GPC6: variants seen among roughly 807,000 people sequenced by gnomAD.
GPC6 encodes glypican 6, also known as glypican-6.
A neutral mutation model predicts 55.2 loss-of-function variants in GPC6; 14 were observed. That is an observed-to-expected ratio of 0.25 (90% CI 0.17 to 0.40). The LOEUF is 0.40. Among genes scored for constraint, GPC6 ranks in the 10% least tolerant of loss-of-function variants. GPC6 has a pLI of 1.00. For synonymous variants in GPC6, 278 were observed against 259.6 expected (o/e 1.07, Z -0.68); for missense variants, 641 against 708.5 (o/e 0.90, Z 1.08).
intron 4 of GPC6, among the ~76,000 whole-genome samples, chr13:94,146,290 A>G (rs1175159193): frequency 6.6e-6 from 1 of 152,086 alleles, no homozygotes; most frequent in Non-Finnish European, 1.5e-5. Flanking sequence ...ACCAACCACT[A>G]TATTAAAAAT....
chr13:94,262,210 C>A (rs138834592), intron 4 of GPC6, among the ~76,000 whole-genome samples: 1 of 152,218 alleles, frequency 6.6e-6, no homozygotes, highest in African/African-American at 2.4e-5. Flanking sequence ...AAGTATATGA[C>A]ATTTGGATTT....
At chr13:93,763,937 T>C (rs968341888) in intron 2 of GPC6, among the ~76,000 whole-genome samples, 2 of 152,154 alleles carry the variant, frequency 1.3e-5, no homozygotes, top group African/African-American at 4.8e-5. Context: ...GCATAGAATG[T>C]CAGGAAACAC....
At chr13:94,242,579 A>T (rs1249004362) in intron 4 of GPC6, among the ~76,000 whole-genome samples, 1 of 152,100 alleles carries the variant, frequency 6.6e-6, no homozygotes, top group Non-Finnish European at 1.5e-5. Context: ...TTCAAGCAGA[A>T]ATCAGACCAT....
intron 1 of GPC6, among the ~76,000 whole-genome samples, chr13:93,449,853 C>A (rs1252938084): frequency 6.6e-6 from 1 of 151,178 alleles, no homozygotes; most frequent in African/African-American, 2.4e-5. Context: ...ATAAAAATTG[C>A]AGAGTAGATC....
chr13:93,995,935 A>G (rs920465366), intron 3 of GPC6, among the ~76,000 whole-genome samples: 1 of 152,212 alleles, frequency 6.6e-6, no homozygotes, highest in Non-Finnish European at 1.5e-5. Flanking sequence ...TGAGTGAAAA[A>G]GCAAATGAAT....
chr13:94,171,676 T>G (rs1254495199), intron 4 of GPC6, among the ~76,000 whole-genome samples: 1 of 152,236 alleles, frequency 6.6e-6, no homozygotes, highest in Non-Finnish European at 1.5e-5. Flanking sequence ...GTCCTTTCCC[T>G]GCATTTTAGT....
At chr13:94,081,144 A>C (rs1885083264) in intron 4 of GPC6, among the ~76,000 whole-genome samples, 1 of 152,184 alleles carries the variant, frequency 6.6e-6, no homozygotes, top group South Asian at 2.1e-4. Context: ...ATTGCTACTA[A>C]TGCTGGCTAG....
At chr13:93,253,855 A>T (rs1566542099) in intron 1 of GPC6, among the ~76,000 whole-genome samples, 1 of 152,190 alleles carries the variant, frequency 6.6e-6, no homozygotes, top group African/African-American at 2.4e-5. Context: ...GAGAGATTTA[A>T]TGTAAAATTA....
chr13:93,789,736 G>A (rs9584157), intron 2 of GPC6, among the ~76,000 whole-genome samples: 14 of 148,468 alleles, frequency 9.4e-5, no homozygotes, highest in African/African-American at 3.5e-4. Context: ...GAAGTGGATG[G>A]CACAGAGGAC....
intron 1 of GPC6, among the ~76,000 whole-genome samples, chr13:93,361,346 A>G (rs1223310356): frequency 1.3e-5 from 2 of 152,150 alleles, no homozygotes; most frequent in African/African-American, 4.8e-5. Context: ...AGCATCTGGC[A>G]GCCTGTTTTC....
intron 3 of GPC6, among the ~76,000 whole-genome samples, chr13:93,871,585 C>T (rs1889134437): frequency 6.6e-6 from 1 of 151,962 alleles, no homozygotes; most frequent in South Asian, 2.1e-4. Context: ...ATGTCAGACA[C>T]ATTTTGTCTT....
intron 2 of GPC6, among the ~76,000 whole-genome samples, chr13:93,619,490 T>C (rs1354929031): frequency 6.6e-6 from 1 of 152,162 alleles, no homozygotes; most frequent in African/African-American, 2.4e-5. Flanking sequence ...TTTCCCTTTG[T>C]CACCCAGGAT....
At chr13:93,425,614 T>C (rs547000806) in intron 1 of GPC6, among the ~76,000 whole-genome samples, 3 of 152,300 alleles carry the variant, frequency 2.0e-5, no homozygotes, top group African/African-American at 4.8e-5. Context: ...GTCGAAATAG[T>C]GTAAGGATCA....
At chr13:94,097,089 G>C (rs1885687563) in intron 4 of GPC6, among the ~76,000 whole-genome samples, 1 of 151,282 alleles carries the variant, frequency 6.6e-6, no homozygotes, top group Admixed American at 6.6e-5. Context: ...CACAGTAAGT[G>C]CTCAAGTTTA....
chr13:93,402,408 A>G (rs1876126905), intron 1 of GPC6, among the ~76,000 whole-genome samples: 2 of 152,126 alleles, frequency 1.3e-5, no homozygotes, highest in South Asian at 4.1e-4. Context: ...TCTTATTCTT[A>G]ATGAATGATT....
chr13:94,207,187 ATGTGG>A (rs2138983701), intron 4 of GPC6, among the ~76,000 whole-genome samples: 1 of 152,142 alleles, frequency 6.6e-6, no homozygotes, highest in East Asian at 1.9e-4. Context: ...GTGCTTACCC[ATGTGG>A]CCCTGTCTGA....
chr13:93,269,505 G>A (rs1036158785), intron 1 of GPC6, among the ~76,000 whole-genome samples: 1 of 152,010 alleles, frequency 6.6e-6, no homozygotes, highest in African/African-American at 2.4e-5. Flanking sequence ...AGTAGATTAA[G>A]GCCTTTGCAA....
chr13:93,347,590 C>T (rs1880474677), intron 1 of GPC6, among the ~76,000 whole-genome samples: 2 of 152,116 alleles, frequency 1.3e-5, no homozygotes, highest in Admixed American at 6.6e-5. Flanking sequence ...CTATATCATG[C>T]CCAATCGAAC....
chr13:93,341,333 C>T (rs914160074), intron 1 of GPC6, among the ~76,000 whole-genome samples: 1 of 152,130 alleles, frequency 6.6e-6, no homozygotes, highest in African/African-American at 2.4e-5. Flanking sequence ...TACTGTTTTC[C>T]ATAGTGGTTG....
Sources: allele counts gnomAD v4.1 joint callset (sites outside exome capture counted in the v4.1 genomes callset), GRCh38; gene constraint gnomAD v4.1.1; transcripts MANE v1.5; gene names NCBI Gene and HGNC (gene_info 2026-07-23, HGNC 2026-07-21).